The following ZFHX3 variants were observed in gnomAD, a reference collection of about 807,000 sequenced individuals.
ZFHX3 encodes zinc finger homeobox protein 3.
In ZFHX3, 42 loss-of-function variants were observed where a neutral mutation model predicts 279.1. That is an observed-to-expected ratio of 0.15 (90% confidence interval 0.12 to 0.19). The LOEUF is 0.19. Among genes scored for constraint, ZFHX3 ranks in the 10% least tolerant of loss-of-function variants. ZFHX3 has a pLI of 1.00. For missense variants in ZFHX3, 4,981 were observed against 4,754.0 expected, an observed-to-expected ratio of 1.05 and a Z score of -1.40; for synonymous variants, 2,293 against 1,957.8, an observed-to-expected ratio of 1.17 and a Z score of -4.52.
chr16:73,866,426 G>A (rs373182859), intron 1 of ZFHX3, among the ~76,000 whole-genome samples: 278 of 151,868 alleles, frequency 1.8e-3, no homozygotes, highest in African/African-American at 6.4e-3. Flanking sequence ...GCCTCCCAAA[G>A]TGCTGGGATT....
chr16:73,127,519 G>T, intron 7 of ZFHX3: 1 of 1,305,474 alleles, frequency 7.7e-7, no homozygotes, highest in Non-Finnish European at 1.0e-6. Context: ...GAAGAAGAGA[G>T]CCCCTGAATG....
Position 72,787,100 on chromosome 16 carries a change from G to T in ZFHX3, c.*64C>A, listed in dbSNP as rs1174688843. The T allele has an allele frequency of 5.9e-5, 58 of 990,954 alleles. No individual in the cohort carries two copies. Among genetic ancestry groups the T allele is most frequent in the East Asian group, 2.3e-4 (5 of 22,178 alleles). 61.4% of individuals were successfully genotyped at this position (990,954 alleles called of 1,614,324 possible). ...TTGGAATTGCAGTTAGTCTATTTTT[G>T]AAATTGGTTTGTTATTAATTTTTGT... On this transcript the variant is annotated 3_prime_UTR_variant, in exon 10 of 10. Coordinates refer to ENST00000268489, the MANE Select transcript of ZFHX3 (RefSeq NM_006885.4).
At chr16:73,198,599 T>G (rs1031239639) in intron 5 of ZFHX3, among the ~76,000 whole-genome samples, 1 of 152,178 alleles carries the variant, frequency 6.6e-6, no homozygotes, top group Non-Finnish European at 1.5e-5. Context: ...TGTAATCCCA[T>G]CATTTAGATG....
intron 2 of ZFHX3, among the ~76,000 whole-genome samples, chr16:73,635,404 C>G (rs2052518510): frequency 6.6e-6 from 1 of 152,106 alleles, no homozygotes; most frequent in Non-Finnish European, 1.5e-5. Context: ...AGTTCTCAGC[C>G]CAAGAAGTGA....
intron 2 of ZFHX3, among the ~76,000 whole-genome samples, chr16:73,629,349 G>A (rs1047179122): frequency 6.6e-6 from 1 of 151,932 alleles, no homozygotes; most frequent in Admixed American, 6.6e-5. Flanking sequence ...AGCAGATTCA[G>A]AGATTTTATT....
At chr16:73,490,030 G>T (rs1324827225) in intron 2 of ZFHX3, among the ~76,000 whole-genome samples, 1 of 152,126 alleles carries the variant, frequency 6.6e-6, no homozygotes, top group African/African-American at 2.4e-5. Flanking sequence ...TTATATAATT[G>T]TTACAAATTT....
At chr16:73,792,493 G>A (rs968788066) in intron 1 of ZFHX3, among the ~76,000 whole-genome samples, 1 of 152,178 alleles carries the variant, frequency 6.6e-6, no homozygotes, top group Non-Finnish European at 1.5e-5. Flanking sequence ...AAATAAGAGA[G>A]GAAAGTTTTA....
intron 7 of ZFHX3, among the ~76,000 whole-genome samples, chr16:73,096,519 C>A (rs1241816726): frequency 6.6e-6 from 1 of 151,576 alleles, no homozygotes; most frequent in Non-Finnish European, 1.5e-5. Context: ...TCTTGTACTT[C>A]AGCCTCCCAA....
chr16:73,389,868 T>A (rs555047139), intron 3 of ZFHX3, among the ~76,000 whole-genome samples: 1 of 152,282 alleles, frequency 6.6e-6, no homozygotes, highest in East Asian at 1.9e-4. Flanking sequence ...GAGACCAGCC[T>A]GGCCAACACA....
At chr16:73,828,729 G>T (rs1435160569) in intron 1 of ZFHX3, among the ~76,000 whole-genome samples, 1 of 113,680 alleles carries the variant, frequency 8.8e-6, no homozygotes, top group African/African-American at 4.0e-5. Context: ...GTTGAATATT[G>T]GCCCTCACTC....
intron 5 of ZFHX3, among the ~76,000 whole-genome samples, chr16:73,220,463 T>A (rs1209122476): frequency 1.3e-5 from 2 of 151,910 alleles, no homozygotes; most frequent in Non-Finnish European, 2.9e-5. Context: ...CATTGACAAG[T>A]CAGAAATACT....
At chr16:73,395,296 TC>T (rs2017104703) in intron 3 of ZFHX3, among the ~76,000 whole-genome samples, 1 of 152,150 alleles carries the variant, frequency 6.6e-6, no homozygotes, top group African/African-American at 2.4e-5. Context: ...AAACCCTGTC[TC>T]TACTAAAAAT....
intron 1 of ZFHX3, among the ~76,000 whole-genome samples, chr16:73,833,521 G>A (rs926540593): frequency 3.3e-5 from 5 of 151,754 alleles, no homozygotes; most frequent in Admixed American, 6.6e-5. Context: ...ACCAAACACC[G>A]CATGTTCTCA....
intron 4 of ZFHX3, among the ~76,000 whole-genome samples, chr16:72,835,111 C>T (rs1432762656): frequency 1.3e-5 from 2 of 152,140 alleles, no homozygotes; most frequent in African/African-American, 4.8e-5. Flanking sequence ...ATCTGTGATC[C>T]CCGAAGAATG....
At chr16:73,078,505 C>G (rs1036671685) in intron 8 of ZFHX3, among the ~76,000 whole-genome samples, 9 of 152,150 alleles carry the variant, frequency 5.9e-5, no homozygotes, top group African/African-American at 2.2e-4. Flanking sequence ...TGGTATTTAC[C>G]AATCTCGTGA....
At chr16:73,793,726 T>C (rs1959903306) in intron 1 of ZFHX3, among the ~76,000 whole-genome samples, 2 of 152,108 alleles carry the variant, frequency 1.3e-5, no homozygotes, top group Non-Finnish European at 2.9e-5. Context: ...TCAGAAAAGT[T>C]AGGTTTGGAA....
At chr16:73,045,784 T>C (rs7204751) in intron 1 of ZFHX3, among the ~76,000 whole-genome samples, 27,834 of 128,960 alleles carry the variant, frequency 0.22, 5,024 homozygotes, top group African/African-American at 0.49. Flanking sequence ...AGTACAGCCA[T>C]TTCAAAAAAA....
intron 2 of ZFHX3, among the ~76,000 whole-genome samples, chr16:73,539,531 C>A (rs1330422484): frequency 7.1e-6 from 1 of 139,926 alleles, no homozygotes; most frequent in Non-Finnish European, 1.5e-5. Flanking sequence ...CCTTTTCCCT[C>A]TCTGTTTCTT....
At chr16:73,322,905 T>C (rs2015606314) in intron 3 of ZFHX3, among the ~76,000 whole-genome samples, 1 of 152,236 alleles carries the variant, frequency 6.6e-6, no homozygotes, top group African/African-American at 2.4e-5. Context: ...CAAACTAGTC[T>C]GCCACTTGTT....
Sources: gnomAD v4.1 joint callset for allele counts (sites outside exome capture counted in the v4.1 genomes callset) on GRCh38, gnomAD v4.1.1 for gene constraint, MANE v1.5 for transcripts, NCBI Gene and HGNC (gene_info 2026-07-23, HGNC 2026-07-21) for gene names.